MAL2: variants seen among roughly 807,000 people sequenced by gnomAD.
MAL2 encodes mal, T cell differentiation protein 2.
MAL2 carries 17 observed loss-of-function variants against 18.1 expected under a neutral mutation model. The observed-to-expected ratio is 0.94, with a 90% CI of 0.64 to 1.41. The LOEUF (loss-of-function observed/expected upper bound fraction) is 1.41, where lower values mean the gene tolerates loss of function less well. Ranked by LOEUF, MAL2 falls within the 40% of genes most tolerant of loss-of-function variation. MAL2 has a pLI of 0.00. For missense variants in MAL2, 222 were observed against 231.9 expected, an observed-to-expected ratio of 0.96 and a Z score of 0.28; for synonymous variants, 102 against 102.3, an observed-to-expected ratio of 1.00 and a Z score of 0.02.
chr8:119,219,286 A>G (rs922203217), intron 1 of MAL2, among the ~76,000 whole-genome samples: 1 of 152,240 alleles, frequency 6.6e-6, no homozygotes, highest in Non-Finnish European at 1.5e-5. Flanking sequence ...GCTTTCAAAA[A>G]TGTTTCTTCA....
chr8:119,238,787 A>G (rs1216326610), intron 2 of MAL2, among the ~76,000 whole-genome samples: 3 of 151,040 alleles, frequency 2.0e-5, no homozygotes, highest in East Asian at 1.9e-4. Flanking sequence ...AAGATGGATT[A>G]AAGACTTAAA....
chr8:119,235,642 T>A (rs972250454), intron 2 of MAL2, among the ~76,000 whole-genome samples: 1 of 151,862 alleles, frequency 6.6e-6, no homozygotes, highest in Non-Finnish European at 1.5e-5. Flanking sequence ...GGGGCCAATA[T>A]TCAACATTCT....
chr8:119,230,698 TTAAA>T (rs1211982352), intron 2 of MAL2, among the ~76,000 whole-genome samples: 2 of 151,348 alleles, frequency 1.3e-5, no homozygotes, highest in Non-Finnish European at 2.9e-5. Flanking sequence ...CCTCAGTAAG[TTAAA>T]TGAGTGCCTA....
chr8:119,243,734 T>C lies in MAL2; in HGVS notation c.*246T>C. On this transcript the variant is annotated 3_prime_UTR_variant, in exon 4 of 4. Transcript: ENST00000614891. ...TCCCTTTCCCCCTTTATTTTCCTCCTTTTCTTTCTGAAAGTTTCCTTTTAT... is the reference window on the plus strand; with the variant it reads ...TCCCTTTCCCCCTTTATTTTCCTCCCTTTCTTTCTGAAAGTTTCCTTTTAT... The C allele has an allele frequency of 2.9e-6, 1 of 343,906 alleles. No individual in the cohort carries two copies. Among genetic ancestry groups the C allele is most frequent in the Non-Finnish European group, 5.2e-6 (1 of 191,908 alleles). The allele number at this position is 343,906 out of a possible 1,614,324, so 21.3% of individuals were successfully genotyped here.
chr8:119,208,914 G>A lies in MAL2; in HGVS notation c.132+310G>A. 1 of 220,678 alleles carries A rather than the reference G, an allele frequency of 4.5e-6. No individual in the cohort carries two copies. The highest frequency in any genetic ancestry group is 8.6e-6 in the Non-Finnish European group (1 of 115,782). 13.7% of individuals were successfully genotyped at this position (220,678 alleles called of 1,614,324 possible). A position where few individuals can be genotyped will look rare whatever the true frequency, so the allele number is the denominator to read the frequency against. ...AAGAAAGGTGTTGGGGCTCAGAGGC[G>A]CCTTTAGAAACCCAGGGCATGGCCA... On this transcript the variant is annotated intron_variant, in intron 1 of 3. Transcript: ENST00000614891. This position sits in a 1 kb window ranked among gnomAD's most constrained non-coding sequence, Gnocchi z 4.3.
intron 2 of MAL2, 134 bp from the exon 3 acceptor site, chr8:119,240,031 A>T: frequency 1.0e-6 from 1 of 967,870 alleles, no homozygotes; most frequent in Non-Finnish European, 1.5e-6. Flanking sequence ...AAAGCAGCTA[A>T]GCTTAACAGT....
intron 2 of MAL2, among the ~76,000 whole-genome samples, chr8:119,222,289 G>A (rs1250996455): frequency 6.6e-6 from 1 of 151,982 alleles, no homozygotes; most frequent in Non-Finnish European, 1.5e-5. Context: ...CCAGCACTTT[G>A]GGAGGCCGAG....
chr8:119,229,196 A>G (rs1450913270), intron 2 of MAL2, among the ~76,000 whole-genome samples: 1 of 152,186 alleles, frequency 6.6e-6, no homozygotes, highest in African/African-American at 2.4e-5. Flanking sequence ...AGTATGCCTA[A>G]TCCCGTATCC....
Position 119,222,502 on chromosome 8 carries a change from C to T in MAL2, c.303+745C>T, listed in dbSNP as rs145182898. On this transcript the variant is annotated intron_variant, in intron 2 of 3. Coordinates refer to ENST00000614891, the MANE Select transcript of MAL2 (RefSeq NM_052886.3). The stretch of plus-strand genomic sequence containing the variant: ...TGCCACTGTACTCCAGCCTGGGTGA[C>T]AGAGCAAGACTCCATCTCAAAAAAA... Among the ~76,000 whole-genome samples, 921 of 144,978 alleles carry T rather than the reference C, an allele frequency of 6.4e-3. 2 individuals carry two copies. Among genetic ancestry groups the T allele is most frequent in the Non-Finnish European group, 0.01 (686 of 66,886 alleles).
At chr8:119,214,630 C>G (rs1379640683) in intron 1 of MAL2, among the ~76,000 whole-genome samples, 1 of 152,126 alleles carries the variant, frequency 6.6e-6, no homozygotes, top group East Asian at 1.9e-4. Flanking sequence ...GAACATATTT[C>G]TCCTCTGTAA....
chr8:119,209,448 T>C (rs925771304), intron 1 of MAL2, among the ~76,000 whole-genome samples: 57 of 152,320 alleles, frequency 3.7e-4, no homozygotes, highest in African/African-American at 1.4e-3. Context: ...TTTATGGAGT[T>C]GGAAACTTTC....
At chr8:119,211,725 A>C (rs1817270886) in intron 1 of MAL2, among the ~76,000 whole-genome samples, 1 of 129,572 alleles carries the variant, frequency 7.7e-6, no homozygotes, top group Non-Finnish European at 1.6e-5. Context: ...TGAGATAGGG[A>C]GATAAGGTGT....
At chr8:119,241,286 G>C (rs1249871353) in intron 3 of MAL2, among the ~76,000 whole-genome samples, 1 of 152,140 alleles carries the variant, frequency 6.6e-6, no homozygotes, top group Admixed American at 6.6e-5. Context: ...CCAGCACATT[G>C]GTAGGCCGAG....
At chr8:119,241,106 C>T (rs1027013697) in intron 3 of MAL2, among the ~76,000 whole-genome samples, 4 of 152,124 alleles carry the variant, frequency 2.6e-5, no homozygotes, top group South Asian at 2.1e-4. Flanking sequence ...TAACCCAGTA[C>T]TCATATAGTC....
chr8:119,242,137 T>C (rs917807355), intron 3 of MAL2, among the ~76,000 whole-genome samples: 41 of 152,230 alleles, frequency 2.7e-4, no homozygotes, highest in Non-Finnish European at 5.9e-5. Flanking sequence ...CTTGGATCAT[T>C]GAAGTAGCCC....
chr8:119,231,684 A>G (rs999532233), intron 2 of MAL2, among the ~76,000 whole-genome samples: 2 of 152,248 alleles, frequency 1.3e-5, no homozygotes, highest in East Asian at 1.9e-4. Context: ...CATGGAATCA[A>G]CCTAAAGGCC....
chr8:119,237,850 C>T (rs1306863770), intron 2 of MAL2, among the ~76,000 whole-genome samples: 2 of 152,090 alleles, frequency 1.3e-5, no homozygotes, highest in Admixed American at 6.5e-5. Flanking sequence ...TGGGCAAAAA[C>T]TGGAAGCATT....
At chr8:119,229,678 A>G (rs920474431) in intron 2 of MAL2, among the ~76,000 whole-genome samples, 4 of 152,182 alleles carry the variant, frequency 2.6e-5, no homozygotes, top group Non-Finnish European at 4.4e-5. Context: ...CCCATTGGGA[A>G]AATAGTCCCT....
intron 1 of MAL2, among the ~76,000 whole-genome samples, chr8:119,216,120 A>G (rs1417845597): frequency 6.6e-6 from 1 of 152,148 alleles, no homozygotes; most frequent in African/African-American, 2.4e-5. Flanking sequence ...AAGTAGATAA[A>G]GTGTTCTGAA....
Sources: gnomAD v4.1 joint callset for allele counts (sites outside exome capture counted in the v4.1 genomes callset) on GRCh38, gnomAD v4.1.1 for gene constraint, Gnocchi (gnomAD v3.1) non-coding constraint, MANE v1.5 for transcripts, NCBI Gene and HGNC (gene_info 2026-07-23, HGNC 2026-07-21) for gene names.